GLRA2: variants seen among roughly 807,000 people sequenced by gnomAD.
GLRA2 encodes the protein glycine receptor alpha 2.
A neutral mutation model predicts 31.6 loss-of-function variants in GLRA2; 11 were observed. The observed-to-expected ratio is 0.35, with a 90% CI of 0.22 to 0.58. The LOEUF is 0.58. Among genes scored for constraint, GLRA2 ranks in the 20% least tolerant of loss-of-function variants. GLRA2 has a pLI of 0.84. For missense variants in GLRA2, 212 were observed against 351.8 expected, an observed-to-expected ratio of 0.60 and a Z score of 3.18; for synonymous variants, 132 against 134.0, an observed-to-expected ratio of 0.99 and a Z score of 0.10.
At chrX:14,545,083 C>T (rs1394941702) in intron 2 of GLRA2, among the ~76,000 whole-genome samples, 1 of 111,900 alleles carries the variant, frequency 8.9e-6, no homozygotes, top group Non-Finnish European at 1.9e-5. Context: ...ACAAAGTATC[C>T]ACAGTGATGA....
intron 4 of GLRA2, among the ~76,000 whole-genome samples, chrX:14,586,016 G>T (rs1255074479): frequency 9.0e-6 from 1 of 111,560 alleles, no homozygotes; most frequent in East Asian, 2.8e-4. Flanking sequence ...TAGGTGTAGG[G>T]GTAGAATTAA....
chrX:14,622,650 G>C (rs541492438), intron 7 of GLRA2, among the ~76,000 whole-genome samples: 1 of 111,906 alleles, frequency 8.9e-6, no homozygotes, highest in African/African-American at 3.2e-5. Context: ...GTTTGTCAAA[G>C]ATCAGATGGT....
At chrX:14,449,043 C>G in the GLRA2 span, among the ~76,000 whole-genome samples, 106 of 112,517 alleles carry the variant, frequency 9.4e-4, 1 homozygote, top group South Asian at 7.4e-4. Flanking sequence ...CATTCACCCA[C>G]TCCCTTCAGA....
rs370731935 is a variant in GLRA2 at position 14,612,822 on chromosome X, C to G, written c.930+3617C>G. On this transcript the variant is annotated intron_variant, in intron 7 of 8. Coordinates refer to ENST00000218075, the MANE Select transcript of GLRA2 (RefSeq NM_002063.4). The stretch of plus-strand genomic sequence containing the variant: ...GGGAACATCACACACTGGGGCCTGT[C>G]GGAGGGTGGGGGGGCTAGGGGAGTG... 8.9e-3 allele frequency among the ~76,000 whole-genome samples: 386 copies of G among 43,314 alleles called. 6 individuals are homozygous for G. Among genetic ancestry groups the G allele is most frequent in the African/African-American group, 0.037 (371 of 10,141 alleles). 37.6% of individuals were successfully genotyped at this position (43,314 alleles called of 115,157 possible). A position where few individuals can be genotyped will look rare whatever the true frequency, so the allele number is the denominator to read the frequency against.
the GLRA2 span, among the ~76,000 whole-genome samples, chrX:14,462,468 T>A: frequency 8.9e-6 from 1 of 112,088 alleles, no homozygotes; most frequent in African/African-American, 3.2e-5. Context: ...ATTCTCCCAG[T>A]CACTTTCACG....
chrX:14,712,893 C>T (rs1465417212), intron 8 of GLRA2, among the ~76,000 whole-genome samples: 3 of 111,891 alleles, frequency 2.7e-5, no homozygotes, highest in African/African-American at 9.7e-5. Context: ...AAAGTAATAG[C>T]CTCTGCTTCC....
rs5020340 is a variant in GLRA2 at position 14,603,422 on chromosome X, A to G, written c.495-893A>G. On this transcript the variant is annotated intron_variant, in intron 4 of 8. Transcript: ENST00000218075. ...GTTCCTTTTGCCATGCAAAATAAAC[A>G]AAAACATAAAGTAGGGGAAGGACAC... 9.1e-4 allele frequency among the ~76,000 whole-genome samples: 102 copies of G among 111,643 alleles called. 1 individual carries two copies. In the East Asian group the frequency reaches 0.025, roughly 28 times the overall value.
chrX:14,665,444 G>A (rs73437246), intron 7 of GLRA2, among the ~76,000 whole-genome samples: 3,237 of 111,842 alleles, frequency 0.029, 104 homozygotes, highest in African/African-American at 0.092. Context: ...TCTCAGCTCT[G>A]AAGTTCTGGC....
At position 14,690,706 on chromosome X, in the gene GLRA2, T is replaced by C. The variant is rs771695419; in HGVS notation, c.931-4T>C. 5 of 1,152,068 alleles carry C rather than the reference T, an allele frequency of 4.3e-6. No individual in the cohort carries two copies. The South Asian group carries it at 9.0e-5, about 21-fold the overall frequency. 94.9% of individuals were successfully genotyped at this position (1,152,068 alleles called of 1,213,427 possible). A position where few individuals can be genotyped will look rare whatever the true frequency, so the allele number is the denominator to read the frequency against. On this transcript the variant is annotated splice_region_variant and splice_polypyrimidine_tract_variant and intron_variant, in intron 7 of 8. Transcript: ENST00000218075. ...GTGTGTGTGTGTCTCTCTCTCTCTC[T>C]CAGGTCTCCTATGTAAAAGCGATTG...
intron 2 of GLRA2, among the ~76,000 whole-genome samples, chrX:14,544,104 T>G (rs909404808): frequency 1.8e-5 from 2 of 111,980 alleles, no homozygotes; most frequent in African/African-American, 6.5e-5. Context: ...ATGGTCAACA[T>G]TAGCATTATG....
At chrX:14,687,159 C>T (rs1333094840) in intron 7 of GLRA2, among the ~76,000 whole-genome samples, 1 of 112,255 alleles carries the variant, frequency 8.9e-6, no homozygotes, top group Non-Finnish European at 1.9e-5. Flanking sequence ...TGTAGAGTTT[C>T]TGCCAAGAGA....
chrX:14,486,685 A>G, the GLRA2 span, among the ~76,000 whole-genome samples: 1 of 111,858 alleles, frequency 8.9e-6, no homozygotes, highest in Non-Finnish European at 1.9e-5. Context: ...AAGTTTGTCA[A>G]ATATAATTAT....
chrX:14,549,980 G>A (rs1265541208), intron 2 of GLRA2, among the ~76,000 whole-genome samples: 1 of 110,950 alleles, frequency 9.0e-6, no homozygotes, highest in Non-Finnish European at 1.9e-5. Flanking sequence ...TAAGGGAAGA[G>A]GGAGTTTTGC....
the GLRA2 span, among the ~76,000 whole-genome samples, chrX:14,456,603 T>C: frequency 8.9e-6 from 1 of 112,074 alleles, no homozygotes; most frequent in Non-Finnish European, 1.9e-5. Flanking sequence ...AGTGAGGACA[T>C]GTGGTATTTA....
At chrX:14,516,218 T>A in the GLRA2 span, among the ~76,000 whole-genome samples, 6 of 111,087 alleles carry the variant, frequency 5.4e-5, no homozygotes, top group Admixed American at 5.7e-4. Context: ...ATCCCCTCCC[T>A]CCCACACCAA....
intron 7 of GLRA2, among the ~76,000 whole-genome samples, chrX:14,656,573 T>G (rs901771520): frequency 8.9e-6 from 1 of 112,160 alleles, no homozygotes; most frequent in Admixed American, 9.4e-5. Context: ...CCTGAGCAGA[T>G]CACTTAAACC....
rs1420236064 is a variant in GLRA2, at chrX:14,707,496, T to A, written c.1080+16637T>A. Among the ~76,000 whole-genome samples, 5 of 110,459 alleles carry A rather than the reference T, an allele frequency of 4.5e-5. No individual in the cohort carries two copies. The South Asian group carries it at 1.6e-3, about 34-fold the overall frequency. Reference sequence around the variant, plus strand: ...CATGAGAATATTGCATGATACAGAGTTTGGAGCATGAATCCCTTCACCCTG... The same window carrying A: ...CATGAGAATATTGCATGATACAGAGATTGGAGCATGAATCCCTTCACCCTG... On this transcript the variant is annotated intron_variant, in intron 8 of 8. Transcript: ENST00000218075.
chrX:14,514,611 T>C, the GLRA2 span, among the ~76,000 whole-genome samples: 1 of 110,776 alleles, frequency 9.0e-6, no homozygotes, highest in Non-Finnish European at 1.9e-5. Context: ...AGTTTTGGAG[T>C]AGGATTAATA....
chrX:14,654,256 G>A (rs1601803808), intron 7 of GLRA2, among the ~76,000 whole-genome samples: 1 of 111,894 alleles, frequency 8.9e-6, no homozygotes, highest in South Asian at 3.8e-4. Flanking sequence ...CCAGCAAAAA[G>A]ATTACAACTC....
Sources: allele counts gnomAD v4.1 joint callset (sites outside exome capture counted in the v4.1 genomes callset), GRCh38; gene constraint gnomAD v4.1.1; transcripts MANE v1.5; gene names NCBI Gene and HGNC (gene_info 2026-07-23, HGNC 2026-07-21).